The following ARHGAP39 variants were observed in gnomAD, a reference collection of about 807,000 sequenced individuals.
ARHGAP39 encodes the protein rho GTPase-activating protein 39.
Under a neutral mutation model 106.9 loss-of-function variants are expected in ARHGAP39, and 44 were observed. That is an observed-to-expected ratio of 0.41 (90% CI 0.32 to 0.53). ARHGAP39 has a LOEUF of 0.53. Ranked by LOEUF, ARHGAP39 falls within the 20% of genes least tolerant of loss-of-function variation. The pLI, the probability that ARHGAP39 is intolerant of heterozygous loss-of-function variation, is 0.21. For synonymous variants in ARHGAP39, 768 were observed against 693.2 expected, an observed-to-expected ratio of 1.11 and a Z score of -1.69; for missense variants, 1,496 against 1,577.3, an observed-to-expected ratio of 0.95 and a Z score of 0.87.
intron 7 of ARHGAP39, among the ~76,000 whole-genome samples, chr8:144,534,855 A>C (rs1816889330): frequency 6.6e-6 from 1 of 152,200 alleles, no homozygotes; most frequent in African/African-American, 2.4e-5. Flanking sequence ...CTGAGTCAGC[A>C]CCTGATGAGG....
chr8:144,606,879 C>G (rs1190773470), intron 1 of ARHGAP39, among the ~76,000 whole-genome samples: 1 of 151,626 alleles, frequency 6.6e-6, no homozygotes, highest in Non-Finnish European at 1.5e-5. Flanking sequence ...TCCTTGTGGC[C>G]TTACAGTAGG....
At chr8:144,657,317 G>A (rs1586641306) in intron 1 of ARHGAP39, among the ~76,000 whole-genome samples, 1 of 152,124 alleles carries the variant, frequency 6.6e-6, no homozygotes, top group Non-Finnish European at 1.5e-5. Flanking sequence ...AAAATTAGCT[G>A]GGCATGGTGG....
intron 1 of ARHGAP39, among the ~76,000 whole-genome samples, chr8:144,622,048 C>T (rs1820820135): frequency 6.6e-6 from 1 of 152,200 alleles, no homozygotes. Flanking sequence ...GAGAAACTTT[C>T]ATTTACCCCA....
In ARHGAP39 at chr8:144,581,043, C is replaced by A; in HGVS notation, c.315G>T (p.Lys105Asn). ...CCGTGTTCTGCTTCAGCGTCTGCAG[C>A]TTGGCCAGCGGGATGATGTCGCAGC... is the stretch of plus-strand genomic sequence containing the variant. ...PQGCDIIPLA[K>N]LQTLKQNTES... The change falls in exon 3 of 12, where the codon AAG becomes AAT. Residue 105 changes from lysine (K) to asparagine (N), a missense_variant. Physicochemically the swap from Lys to Asn is moderately conservative, Grantham distance 94. Transcript: ENST00000377307. 6.3e-7 allele frequency: 1 copy of A among 1,584,186 alleles called. No homozygotes were observed.
chr8:144,696,803 A>AT, the ARHGAP39 span, among the ~76,000 whole-genome samples: 2 of 152,176 alleles, frequency 1.3e-5, no homozygotes, highest in African/African-American at 4.8e-5. Context: ...AACTGTCCCC[A>AT]TTAAACACTA....
At position 144,555,394 on chromosome 8, in the gene ARHGAP39, AG is replaced by A. The variant is rs577106129; in HGVS notation, c.596+165del. On this transcript the variant is annotated intron_variant, in intron 4 of 11. Coordinates refer to ENST00000377307, the MANE Select transcript of ARHGAP39 (RefSeq NM_025251.3). ...TGCCAATGGGCCTGGGGCAGCTCTAAGGGGCTCCTGTCCAGGCCCCTGGCCC... is the reference window on the plus strand; with the variant it reads ...TGCCAATGGGCCTGGGGCAGCTCTAAGGGCTCCTGTCCAGGCCCCTGGCCC... 2.7e-3 allele frequency among the ~76,000 whole-genome samples: 406 copies of A among 152,260 alleles called. 2 individuals carry two copies. Among genetic ancestry groups the A allele is most frequent in the African/African-American group, 9.4e-3 (391 of 41,564 alleles).
At position 144,582,666 on chromosome 8, in the gene ARHGAP39, G is replaced by A. The variant is rs567230820; in HGVS notation, c.81-1389C>T. Among the ~76,000 whole-genome samples, 57 of 152,336 alleles carry A rather than the reference G, an allele frequency of 3.7e-4. 1 individual carries two copies. In the South Asian group the frequency reaches 0.012, roughly 32 times the overall value. On this transcript the variant is annotated intron_variant, in intron 2 of 11. Transcript: ENST00000377307. ...CAGGGCCTTACGTGGGGAAGGAGCT[G>A]GCTCAGGGGTCTGGCTGCAGGAGGA... is the stretch of plus-strand genomic sequence containing the variant.
intron 3 of ARHGAP39, among the ~76,000 whole-genome samples, chr8:144,567,007 C>T (rs1270208010): frequency 6.6e-6 from 1 of 152,050 alleles, no homozygotes; most frequent in Admixed American, 6.6e-5. Flanking sequence ...TTAACCTACA[C>T]CCAGCAAAAG....
At chr8:144,658,771 G>A (rs1446986104) in intron 1 of ARHGAP39, among the ~76,000 whole-genome samples, 1 of 151,932 alleles carries the variant, frequency 6.6e-6, no homozygotes, top group Non-Finnish European at 1.5e-5. Context: ...GCAGGAAAAA[G>A]AAAAGGTAGA....
intron 1 of ARHGAP39, among the ~76,000 whole-genome samples, chr8:144,628,584 T>C (rs1281151825): frequency 6.6e-6 from 1 of 152,160 alleles, no homozygotes; most frequent in African/African-American, 2.4e-5. Context: ...ACCGTCTCTC[T>C]CGATAACTGA....
At position 144,640,053 on chromosome 8, in the gene ARHGAP39, A is replaced by G. The variant is rs867984265; in HGVS notation, c.-81-34358T>C. Among the ~76,000 whole-genome samples the G allele has an allele frequency of 2.8e-4, 42 of 152,348 alleles. 1 individual carries two copies. Among genetic ancestry groups the G allele is most frequent in the Admixed American group, 7.8e-4 (12 of 15,304 alleles). On this transcript the variant is annotated intron_variant, in intron 1 of 11. Coordinates refer to ENST00000377307, the MANE Select transcript of ARHGAP39 (RefSeq NM_025251.3). ...GAACTACCCTTGCTCTCTGTAGAAT[A>G]TATTACAGGCGACATGCAGAAAATA...
At chr8:144,571,438 G>A (rs548073776) in intron 3 of ARHGAP39, among the ~76,000 whole-genome samples, 79 of 152,234 alleles carry the variant, frequency 5.2e-4, no homozygotes, top group Non-Finnish European at 1.1e-3. Flanking sequence ...ATTCGACAGC[G>A]CTTCATGATA....
chr8:144,558,446 C>T (rs1187453837), intron 3 of ARHGAP39, among the ~76,000 whole-genome samples: 1 of 152,090 alleles, frequency 6.6e-6, no homozygotes, highest in Non-Finnish European at 1.5e-5. Context: ...GCACCTGCCA[C>T]CACGCCTGGC....
chr8:144,629,838 C>T (rs972237758), intron 1 of ARHGAP39, among the ~76,000 whole-genome samples: 1 of 152,096 alleles, frequency 6.6e-6, no homozygotes, highest in Non-Finnish European at 1.5e-5. Flanking sequence ...GCAGAGAGGA[C>T]GGCCCTGTGG....
chr8:144,693,442 C>T, the ARHGAP39 span, among the ~76,000 whole-genome samples: 4 of 151,968 alleles, frequency 2.6e-5, no homozygotes, highest in South Asian at 6.2e-4. Context: ...GGCGCGATCT[C>T]GGCTCACTGC....
intron 3 of ARHGAP39, among the ~76,000 whole-genome samples, chr8:144,568,561 C>A (rs1156779820): frequency 6.6e-6 from 1 of 152,032 alleles, no homozygotes; most frequent in African/African-American, 2.4e-5. Flanking sequence ...GTATTAAAAT[C>A]TCTTTAAATG....
chr8:144,687,670 A>T (rs2976624), upstream of ARHGAP39, among the ~76,000 whole-genome samples: 10 of 7,882 alleles, frequency 1.3e-3, no homozygotes, highest in Non-Finnish European at 1.7e-3. Context: ...ACCACACACT[A>T]GCAGTGAGCA....
At chr8:144,543,255 G>A (rs1036826236) in intron 6 of ARHGAP39, among the ~76,000 whole-genome samples, 7 of 152,274 alleles carry the variant, frequency 4.6e-5, no homozygotes, top group Admixed American at 6.5e-5. Context: ...TTCCAGGTGT[G>A]AGCCACTGTG....
chr8:144,530,775 G>A lies in ARHGAP39; in HGVS notation c.3077C>T (p.Ala1026Val), dbSNP rs1323508541. 4 of 1,611,384 alleles carry A rather than the reference G, an allele frequency of 2.5e-6. No homozygotes were observed. The highest frequency in any genetic ancestry group is 2.5e-6 in the Non-Finnish European group (3 of 1,179,386). Residue 1026 changes from alanine (A) to valine (V), a missense_variant, in exon 11 of 12, where the codon GCG (alanine) becomes GTG (valine). Around this residue, in one of 4 missense-constraint regions of ARHGAP39, gnomAD observed 470 missense variants for 605.1 expected, o/e 0.78. Coordinates refer to ENST00000377307, the MANE Select transcript of ARHGAP39 (RefSeq NM_025251.3). ...QCIAHYDSPEAAVAVVHALPR... is the reference protein window; with the variant it reads ...QCIAHYDSPEVAVAVVHALPR... Reference sequence around the variant, plus strand: ...CAGCGCGTGCACCACGGCCACCGCCGCCTCGGGGCTGTCGTAGTGCGCGAT... The same window carrying A: ...CAGCGCGTGCACCACGGCCACCGCCACCTCGGGGCTGTCGTAGTGCGCGAT...
Sources: gnomAD v4.1 joint callset for allele counts (sites outside exome capture counted in the v4.1 genomes callset) on GRCh38, gnomAD v4.1.1 for gene constraint, gnomAD v4.1.1 regional missense constraint, MANE v1.5 for transcripts, NCBI Gene and HGNC (gene_info 2026-07-23, HGNC 2026-07-21) for gene names.